The following CSMD2 variants were observed in gnomAD, a reference collection of about 807,000 sequenced individuals.
CSMD2 encodes CUB and sushi domain-containing protein 2.
Under a neutral mutation model 398.5 loss-of-function variants are expected in CSMD2, and 130 were observed. The ratio of observed to expected loss-of-function variants is 0.33; its 90% CI spans 0.28 to 0.38. The LOEUF (loss-of-function observed/expected upper bound fraction) is 0.38, where lower values mean the gene tolerates loss of function less well. Ranked by LOEUF, CSMD2 falls within the 10% of genes least tolerant of loss-of-function variation. The pLI is 1.00. For missense variants in CSMD2, 3,829 were observed against 4,764.9 expected (o/e 0.80, Z 5.78); for synonymous variants, 1,828 against 1,908.5 (o/e 0.96, Z 1.10).
chr1:33,533,966 G>C lies in CSMD2; in HGVS notation c.9880-59C>G. On this transcript the variant is annotated intron_variant, in intron 62 of 70. Transcript: ENST00000373381. This position sits in a 1 kb window ranked among gnomAD's most constrained non-coding sequence, Gnocchi z 4.2. ...CCTTTCAGCGGTGCTTCCTACGTCTGTCCCTTGACCACTTTCACATGGCCC... is the reference window on the plus strand; with the variant it reads ...CCTTTCAGCGGTGCTTCCTACGTCTCTCCCTTGACCACTTTCACATGGCCC... 9.4e-7 allele frequency: 1 copy of C among 1,068,960 alleles called. No individual in the cohort carries two copies. Among genetic ancestry groups the C allele is most frequent in the Non-Finnish European group, 1.4e-6 (1 of 695,474 alleles). 66.2% of individuals were successfully genotyped at this position (1,068,960 alleles called of 1,614,324 possible). A position where few individuals can be genotyped will look rare whatever the true frequency, so the allele number is the denominator to read the frequency against.
At chr1:33,523,562 G>A (rs538183222) in intron 66 of CSMD2, 143 bp from the exon 67 acceptor site, 47 of 598,278 alleles carry the variant, frequency 7.9e-5, no homozygotes, top group South Asian at 6.1e-4. Context: ...CCTTTAAGTC[G>A]TAAGTGTAGT....
At chr1:33,586,727 T>A in intron 45 of CSMD2, 110 bp from the exon 46 acceptor site, 1 of 694,920 alleles carries the variant, frequency 1.4e-6, no homozygotes, top group African/African-American at 1.8e-5. Context: ...TGTTCAGACT[T>A]AAATAACTAG....
At chr1:33,551,920 C>T (rs1380884194) in intron 55 of CSMD2, among the ~76,000 whole-genome samples, 1 of 152,100 alleles carries the variant, frequency 6.6e-6, no homozygotes, top group Non-Finnish European at 1.5e-5. Context: ...GACAAGAACT[C>T]ATATGAGGGG....
rs547618222 is a variant in CSMD2 at position 34,061,825 on chromosome 1, G to A, written c.404+27152C>T. Among the ~76,000 whole-genome samples the A allele has an allele frequency of 1.4e-3, 220 of 152,274 alleles. 6 individuals carry two copies. In the South Asian group the frequency reaches 0.043, roughly 29 times the overall value. On this transcript the variant is annotated intron_variant, in intron 2 of 70. Coordinates refer to ENST00000373381, the MANE Select transcript of CSMD2 (RefSeq NM_001281956.2). ...ATCACACACAAAGGCACAGGCTTCC[G>A]TGCTGGATCCTACAAAACCTCCTGG...
intron 1 of CSMD2, among the ~76,000 whole-genome samples, chr1:34,154,730 T>A (rs1230232705): frequency 4.7e-5 from 1 of 21,384 alleles, no homozygotes; most frequent in African/African-American, 4.0e-4. Flanking sequence ...ATCCAGGCTT[T>A]TTTTTTTTTT....
chr1:33,722,980 T>C (rs533203916), intron 19 of CSMD2, among the ~76,000 whole-genome samples: 47 of 152,324 alleles, frequency 3.1e-4, no homozygotes, highest in African/African-American at 1.1e-3. Flanking sequence ...TAATCCATCC[T>C]TTCTTCAATG....
chr1:33,664,659 C>T (rs915031018), intron 25 of CSMD2, among the ~76,000 whole-genome samples: 37 of 151,876 alleles, frequency 2.4e-4, no homozygotes, highest in African/African-American at 8.0e-4. Flanking sequence ...AAAAATTAGC[C>T]GGGCGAGGTG....
At chr1:33,953,992 T>C (rs762359822) in intron 3 of CSMD2, among the ~76,000 whole-genome samples, 2 of 152,132 alleles carry the variant, frequency 1.3e-5, no homozygotes, top group Non-Finnish European at 2.9e-5. Flanking sequence ...GCTATCATGG[T>C]ACCTCGAGCA....
intron 24 of CSMD2, among the ~76,000 whole-genome samples, chr1:33,694,418 A>C (rs1038853316): frequency 1.3e-5 from 2 of 152,124 alleles, no homozygotes; most frequent in African/African-American, 4.8e-5. Context: ...TAATCCCCAG[A>C]TATTGAGGGA....
intron 29 of CSMD2, among the ~76,000 whole-genome samples, chr1:33,642,467 C>T (rs1447132688): frequency 6.6e-6 from 1 of 151,946 alleles, no homozygotes; most frequent in Admixed American, 6.6e-5. Flanking sequence ...GAAAATTGAT[C>T]TGCAGGGAGG....
In CSMD2 at chr1:33,590,787, G is replaced by C. The variant is rs187668533; in HGVS notation, c.6857-3619C>G. Among the ~76,000 whole-genome samples the C allele has an allele frequency of 2.6e-4, 39 of 152,228 alleles. No individual in the cohort carries two copies. In the East Asian group the frequency reaches 7.4e-3, roughly 29 times the overall value. On this transcript the variant is annotated intron_variant, in intron 44 of 70. Transcript: ENST00000373381. ...AGGGGAAGAGGGTGAGGTGTTGAGAGAGCATAGCCAGATTCTGGTGTGTGT... is the reference window on the plus strand; with the variant it reads ...AGGGGAAGAGGGTGAGGTGTTGAGACAGCATAGCCAGATTCTGGTGTGTGT...
chr1:33,542,886 A>G lies in CSMD2; in HGVS notation c.9111T>C (p.Cys3037=). ...CATTACTTGGAGTCCCAGGGTTCCC[A>G]CAAGAGATCACTAGGAAGACAAAAA... ...GSQPECGVIS[C]GNPGTPSNAR... The change falls in exon 58 of 71, where the codon TGT becomes TGC. Residue 3037 remains cysteine (C), a synonymous_variant. Coordinates refer to ENST00000373381, the MANE Select transcript of CSMD2 (RefSeq NM_001281956.2). 4.3e-6 allele frequency: 7 copies of G among 1,614,096 alleles called. No homozygotes were observed. The highest frequency in any genetic ancestry group is 4.2e-6 in the Non-Finnish European group (5 of 1,179,970).
At chr1:33,726,268 C>G (rs896627824) in intron 16 of CSMD2, among the ~76,000 whole-genome samples, 4 of 152,130 alleles carry the variant, frequency 2.6e-5, no homozygotes, top group African/African-American at 9.7e-5. Context: ...TGCCCACTCC[C>G]CCTCCTTGGG....
At chr1:33,550,624 G>A (rs943662123) in intron 55 of CSMD2, among the ~76,000 whole-genome samples, 2 of 152,178 alleles carry the variant, frequency 1.3e-5, no homozygotes, top group African/African-American at 4.8e-5. Context: ...TGCCTCTTAT[G>A]CTTACCTCTC....
At chr1:33,600,106 C>T (rs771516501) in intron 44 of CSMD2, 107 of 701,168 alleles carry the variant, frequency 1.5e-4, no homozygotes, top group African/African-American at 3.9e-4. Flanking sequence ...AACTCCAAGC[C>T]GGTAATTCTA....
At chr1:33,657,405 T>A (rs1037080375) in intron 27 of CSMD2, among the ~76,000 whole-genome samples, 19 of 152,090 alleles carry the variant, frequency 1.2e-4, no homozygotes, top group Admixed American at 6.5e-5. Flanking sequence ...GCTCAGGAGG[T>A]CAAGGCTGCA....
At chr1:33,605,178 G>C (rs2148818396) in intron 42 of CSMD2, 104 bp downstream of exon 42, 1 of 1,136,562 alleles carries the variant, frequency 8.8e-7, no homozygotes, top group Middle Eastern at 2.9e-4. Flanking sequence ...TGGACCTCCA[G>C]CCCTGGAGAT....
rs1053079965 is a variant in CSMD2, at chr1:33,623,477, A to G, written c.5626-11T>C. 2.5e-6 allele frequency: 4 copies of G among 1,608,688 alleles called. No homozygotes were observed. In the African/African-American group the frequency reaches 4.0e-5, roughly 16 times the overall value. On this transcript the variant is annotated splice_polypyrimidine_tract_variant and intron_variant, in intron 35 of 70. Coordinates refer to ENST00000373381, the MANE Select transcript of CSMD2 (RefSeq NM_001281956.2). ...ACTGACAACTTGGATCTGGGAAGGG[A>G]GAAGAGTGAATTGTTGGTTAGGCAG...
At chr1:34,043,396 A>G (rs975672482) in intron 2 of CSMD2, among the ~76,000 whole-genome samples, 27 of 152,074 alleles carry the variant, frequency 1.8e-4, no homozygotes, top group African/African-American at 6.3e-4. Flanking sequence ...TCTGGGAAAG[A>G]GTTTAGGGAT....
Sources: allele counts gnomAD v4.1 joint callset (sites outside exome capture counted in the v4.1 genomes callset), GRCh38; gene constraint gnomAD v4.1.1; non-coding constraint Gnocchi (gnomAD v3.1); transcripts MANE v1.5; gene names NCBI Gene and HGNC (gene_info 2026-07-23, HGNC 2026-07-21).